The following LRMDA variants were observed in gnomAD, a reference collection of about 807,000 sequenced individuals.
LRMDA encodes the protein leucine rich melanocyte differentiation associated.
A neutral mutation model predicts 29.8 loss-of-function variants in LRMDA; 18 were observed. The observed-to-expected ratio is 0.60, with a 90% CI of 0.42 to 0.90. The LOEUF is 0.90. LRMDA is among the 40% of genes least tolerant of loss of function. The pLI is 0.00. For synonymous variants in LRMDA, 125 were observed against 109.4 expected, an observed-to-expected ratio of 1.14 and a Z score of -0.89; for missense variants, 273 against 273.9, an observed-to-expected ratio of 1.00 and a Z score of 0.02.
intron 5 of LRMDA, among the ~76,000 whole-genome samples, chr10:76,248,477 A>C (rs1206714886): frequency 1.3e-5 from 2 of 152,186 alleles, no homozygotes; most frequent in Non-Finnish European, 2.9e-5. Flanking sequence ...AACATTTCTT[A>C]ACATCCTAAG....
At chr10:75,645,804 G>A (rs991524460) in intron 2 of LRMDA, among the ~76,000 whole-genome samples, 2 of 152,122 alleles carry the variant, frequency 1.3e-5, no homozygotes, top group Admixed American at 1.3e-4. Context: ...ACTTACAAGA[G>A]AGTCTCCACT....
chr10:75,810,904 T>C (rs1843948291), intron 2 of LRMDA, among the ~76,000 whole-genome samples: 1 of 152,174 alleles, frequency 6.6e-6, no homozygotes, highest in African/African-American at 2.4e-5. Context: ...CTGTAAAGAA[T>C]GTACTATTGT....
intron 6 of LRMDA, among the ~76,000 whole-genome samples, chr10:76,400,884 C>G (rs1364272750): frequency 1.3e-5 from 2 of 152,152 alleles, no homozygotes; most frequent in African/African-American, 4.8e-5. Context: ...ATCAAAAATA[C>G]TTCAGGTCAG....
intron 2 of LRMDA, among the ~76,000 whole-genome samples, chr10:75,948,346 T>C (rs1255184925): frequency 6.6e-6 from 1 of 152,214 alleles, no homozygotes; most frequent in Non-Finnish European, 1.5e-5. Flanking sequence ...ATCCCCATTA[T>C]GTGGCATATC....
chr10:76,177,646 T>C (rs1176560626), intron 5 of LRMDA, among the ~76,000 whole-genome samples: 2 of 152,222 alleles, frequency 1.3e-5, no homozygotes, highest in Non-Finnish European at 2.9e-5. Context: ...CTGCTTTGTC[T>C]TATTTTAATA....
rs780310452 is a variant in LRMDA at position 75,707,333 on chromosome 10, G to A, written c.131+268839G>A. 1.2e-4 allele frequency among the ~76,000 whole-genome samples: 19 copies of A among 152,290 alleles called. No individual in the cohort carries two copies. In the Middle Eastern group the frequency reaches 0.01, roughly 82 times the overall value. ...AGTGTGGGGCCCACAGAAACTGAAG[G>A]CTGCTCTGAAAGAACCATCCAGGGC... On this transcript the variant is annotated intron_variant, in intron 2 of 6. Coordinates refer to ENST00000611255, the MANE Select transcript of LRMDA (RefSeq NM_001305581.2).
chr10:75,991,101 G>A (rs1208541643), intron 2 of LRMDA, among the ~76,000 whole-genome samples: 6 of 152,130 alleles, frequency 3.9e-5, no homozygotes, highest in Non-Finnish European at 5.9e-5. Context: ...CTGTATATGA[G>A]GCCTAAAGAG....
intron 6 of LRMDA, among the ~76,000 whole-genome samples, chr10:76,375,352 A>T (rs1841504123): frequency 6.6e-6 from 1 of 151,930 alleles, no homozygotes; most frequent in African/African-American, 2.4e-5. Flanking sequence ...GAGGACTGCC[A>T]GGTTAGGCCA....
intron 6 of LRMDA, among the ~76,000 whole-genome samples, chr10:76,400,149 G>T (rs1196733235): frequency 1.3e-5 from 2 of 152,180 alleles, no homozygotes; most frequent in Non-Finnish European, 2.9e-5. Context: ...AGCTATGTTG[G>T]AGAGGCCCAC....
intron 2 of LRMDA, among the ~76,000 whole-genome samples, chr10:75,601,642 G>A (rs1325502170): frequency 6.6e-6 from 1 of 152,042 alleles, no homozygotes; most frequent in East Asian, 1.9e-4. Flanking sequence ...GCTTTCCATT[G>A]GTAATTTGGT....
At position 76,301,355 on chromosome 10, in the gene LRMDA, A is replaced by G. The variant is rs181943724; in HGVS notation, c.517-23046A>G. ...AATCACTTGGAATCCAAAGCTGCCA[A>G]GAGGAATAATTAGGAACCACAGAAC... On this transcript the variant is annotated intron_variant, in intron 5 of 6. Transcript: ENST00000611255. Among the ~76,000 whole-genome samples the G allele has an allele frequency of 3.9e-3, 594 of 152,360 alleles. 5 individuals carry two copies. The highest frequency in any genetic ancestry group is 0.012 in the African/African-American group (516 of 41,590).
chr10:76,227,922 T>C (rs1367367046), intron 5 of LRMDA, among the ~76,000 whole-genome samples: 1 of 152,014 alleles, frequency 6.6e-6, no homozygotes, highest in Non-Finnish European at 1.5e-5. Context: ...TATAAGAAAA[T>C]GTGTGCAGAA....
intron 6 of LRMDA, among the ~76,000 whole-genome samples, chr10:76,511,406 A>G (rs1220213641): frequency 6.6e-6 from 1 of 152,058 alleles, no homozygotes; most frequent in Non-Finnish European, 1.5e-5. Context: ...AGGGGAAAAG[A>G]GAAGTGGGAG....
intron 5 of LRMDA, among the ~76,000 whole-genome samples, chr10:76,265,670 G>A (rs2132314626): frequency 6.6e-6 from 1 of 152,338 alleles, no homozygotes; most frequent in East Asian, 1.9e-4. Context: ...CTTATGGGCT[G>A]AGTTCCAAGG....
chr10:76,027,679 A>G (rs928428044), intron 2 of LRMDA, among the ~76,000 whole-genome samples: 3 of 152,234 alleles, frequency 2.0e-5, no homozygotes, highest in Admixed American at 2.0e-4. Flanking sequence ...ATTAACATGG[A>G]AGAAAATGCC....
intron 5 of LRMDA, among the ~76,000 whole-genome samples, chr10:76,199,766 A>G (rs1851394187): frequency 1.3e-5 from 2 of 152,146 alleles, no homozygotes; most frequent in South Asian, 4.1e-4. Flanking sequence ...TTAATCCAGG[A>G]TCTTGGCAGA....
intron 5 of LRMDA, among the ~76,000 whole-genome samples, chr10:76,209,110 C>T (rs754574545): frequency 1.3e-4 from 20 of 152,222 alleles, no homozygotes; most frequent in Admixed American, 1.0e-3. Context: ...GCTGAGATCA[C>T]ACCCACTGCA....
At chr10:76,408,100 T>C (rs2132504761) in intron 6 of LRMDA, among the ~76,000 whole-genome samples, 1 of 152,302 alleles carries the variant, frequency 6.6e-6, no homozygotes, top group Non-Finnish European at 1.5e-5. Context: ...CCTGTAAGGA[T>C]CATAACCCAA....
chr10:75,920,841 G>A (rs1846014084), intron 2 of LRMDA, among the ~76,000 whole-genome samples: 1 of 152,184 alleles, frequency 6.6e-6, no homozygotes, highest in Non-Finnish European at 1.5e-5. Flanking sequence ...TTCTTTATGT[G>A]CATAGCTTCG....
Sources: gnomAD v4.1 joint callset for allele counts (sites outside exome capture counted in the v4.1 genomes callset) on GRCh38, gnomAD v4.1.1 for gene constraint, MANE v1.5 for transcripts, NCBI Gene and HGNC (gene_info 2026-07-23, HGNC 2026-07-21) for gene names.